Variants in ATP8B4 observed in about 807,000 individuals in gnomAD.
The protein encoded by ATP8B4 is probable phospholipid-transporting ATPase IM.
A neutral mutation model predicts 145.6 loss-of-function variants in ATP8B4; 133 were observed. That is an observed-to-expected ratio of 0.91 (90% CI 0.79 to 1.05). The LOEUF is 1.05. Ranked by LOEUF, ATP8B4 falls within the 50% of genes least tolerant of loss-of-function variation. The pLI is 0.00. For synonymous variants in ATP8B4, 507 were observed against 492.9 expected (o/e 1.03, Z -0.38); for missense variants, 1,458 against 1,425.2 (o/e 1.02, Z -0.37).
intron 1 of ATP8B4, among the ~76,000 whole-genome samples, chr15:50,160,606 A>G (rs1460693702): frequency 6.7e-6 from 1 of 150,072 alleles, no homozygotes; most frequent in East Asian, 2.0e-4. Context: ...AAATTTTTCA[A>G]TTTCCTTCTT....
At chr15:50,064,111 A>T (rs2153626666) in intron 3 of ATP8B4, among the ~76,000 whole-genome samples, 1 of 152,276 alleles carries the variant, frequency 6.6e-6, no homozygotes, top group African/African-American at 2.4e-5. Context: ...ATAATTCCAC[A>T]CTGAGATTCC....
chr15:50,104,262 C>A (rs2056543373), intron 2 of ATP8B4, among the ~76,000 whole-genome samples: 2 of 152,052 alleles, frequency 1.3e-5, no homozygotes, highest in Admixed American at 1.3e-4. Context: ...AGCTTCTGCA[C>A]AGCAAAAGAA....
At chr15:50,008,053 T>A (rs918695613) in intron 7 of ATP8B4, among the ~76,000 whole-genome samples, 10 of 152,216 alleles carry the variant, frequency 6.6e-5, no homozygotes, top group African/African-American at 2.4e-4. Flanking sequence ...GCTTCAGGTC[T>A]GTGGCCCAAA....
At chr15:50,054,050 G>A (rs1269529826) in intron 3 of ATP8B4, among the ~76,000 whole-genome samples, 1 of 152,160 alleles carries the variant, frequency 6.6e-6, no homozygotes, top group Non-Finnish European at 1.5e-5. Flanking sequence ...TAAATTGAAA[G>A]AATTATGCAA....
rs139906676 is a variant in ATP8B4, at chr15:50,001,910, T to C, written c.506+243A>G. Among the ~76,000 whole-genome samples, 99 of 152,322 alleles carry C rather than the reference T, an allele frequency of 6.5e-4. 1 individual carries two copies. The highest frequency in any genetic ancestry group is 2.3e-3 in the African/African-American group (94 of 41,582). ...TTTTTTTAAAAAATCTAAGGAATCTTACTGAAGATTCTCTGTGTAAAGTTA... is the reference window on the plus strand; with the variant it reads ...TTTTTTTAAAAAATCTAAGGAATCTCACTGAAGATTCTCTGTGTAAAGTTA... On this transcript the variant is annotated intron_variant, in intron 8 of 27. Transcript: ENST00000284509.
chr15:50,079,158 T>G (rs1176152628), intron 2 of ATP8B4, among the ~76,000 whole-genome samples: 1 of 152,144 alleles, frequency 6.6e-6, no homozygotes, highest in Non-Finnish European at 1.5e-5. Flanking sequence ...TATTATATAC[T>G]CCATGTCTGT....
At chr15:49,934,265 G>A in intron 14 of ATP8B4, 83 bp from the exon 15 acceptor site, 1 of 1,426,146 alleles carries the variant, frequency 7.0e-7, no homozygotes, top group South Asian at 1.4e-5. Flanking sequence ...GTTCCCCCAA[G>A]TATTTTTAGT....
intron 7 of ATP8B4, among the ~76,000 whole-genome samples, chr15:50,007,078 C>A (rs1053945768): frequency 6.6e-6 from 1 of 151,292 alleles, no homozygotes; most frequent in Admixed American, 6.6e-5. Flanking sequence ...TTAAAATGTA[C>A]ATACAAATGC....
At chr15:49,900,771 CAGTG>C (rs1346383919) in intron 21 of ATP8B4, among the ~76,000 whole-genome samples, 3 of 152,240 alleles carry the variant, frequency 2.0e-5, no homozygotes, top group Non-Finnish European at 4.4e-5. Context: ...AATTAAGTAA[CAGTG>C]AGCCGTAACA....
intron 1 of ATP8B4, among the ~76,000 whole-genome samples, chr15:50,156,077 T>A (rs11635796): frequency 0.22 from 5,005 of 22,694 alleles, 217 homozygotes; most frequent in Admixed American, 0.36. Flanking sequence ...TAAATAAATA[T>A]ATATATATAT....
At chr15:49,980,400 G>A (rs1004158900) in intron 11 of ATP8B4, among the ~76,000 whole-genome samples, 4 of 152,152 alleles carry the variant, frequency 2.6e-5, no homozygotes, top group South Asian at 4.1e-4. Flanking sequence ...TAAAGTGGCT[G>A]TCTTCGAACT....
chr15:49,860,135 C>G lies in ATP8B4; in HGVS notation c.*59G>C. On this transcript the variant is annotated 3_prime_UTR_variant, in exon 28 of 28. Transcript: ENST00000284509. ...CTCAAATCTCAAACTCTGGAGCCAG[C>G]AGAATTTCAGCTCCACCTGAAGTGA... The G allele has an allele frequency of 1.3e-6, 2 of 1,530,148 alleles. No individual in the cohort carries two copies. Among genetic ancestry groups the G allele is most frequent in the Non-Finnish European group, 1.8e-6 (2 of 1,136,512 alleles). The allele number at this position is 1,530,148 out of a possible 1,614,324, so 94.8% of individuals were successfully genotyped here. A position where few individuals can be genotyped will look rare whatever the true frequency, so the allele number is the denominator to read the frequency against.
At chr15:50,129,938 C>A in intron 1 of ATP8B4, among the ~76,000 whole-genome samples, 1 of 111,558 alleles carries the variant, frequency 9.0e-6, no homozygotes, top group East Asian at 2.3e-4. Flanking sequence ...CAGAGCAAGA[C>A]TCTGACTCAA....
intron 21 of ATP8B4, 123 bp from the exon 22 acceptor site, chr15:49,898,374 CA>C: frequency 9.6e-7 from 1 of 1,039,012 alleles, no homozygotes; most frequent in Non-Finnish European, 1.4e-6. Flanking sequence ...TCATTCACTC[CA>C]AAAAGTCATT....
chr15:50,008,806 A>G (rs763283651), intron 7 of ATP8B4, among the ~76,000 whole-genome samples: 7 of 152,178 alleles, frequency 4.6e-5, no homozygotes, highest in African/African-American at 4.8e-5. Context: ...TTAGTAAACA[A>G]GTGAGTCCAG....
intron 14 of ATP8B4, 76 bp from the exon 15 acceptor site, chr15:49,934,258 C>A: frequency 1.4e-6 from 2 of 1,465,712 alleles, no homozygotes; most frequent in South Asian, 1.3e-5. Flanking sequence ...AAAAATAGTT[C>A]CCCCAAGTAT....
intron 23 of ATP8B4, chr15:49,895,645 G>A (rs1055058976): frequency 1.3e-5 from 2 of 152,164 alleles, no homozygotes; most frequent in East Asian, 3.8e-4. Context: ...GGCAATTATT[G>A]TTCTCCCTTG....
At chr15:50,023,779 C>CAAAAAAAAAAAAAAAAAAAAAAAA (rs60030651) in intron 6 of ATP8B4, among the ~76,000 whole-genome samples, 11 of 75,054 alleles carry the variant, frequency 1.5e-4, no homozygotes, top group East Asian at 3.9e-4. Flanking sequence ...AGACCAAAGG[C>CAAAAAAAAAAAAAAAAAAAAAAAA]AAAAAAAAAA....
intron 14 of ATP8B4, among the ~76,000 whole-genome samples, chr15:49,958,775 GAGAT>G (rs1247096665): frequency 2.6e-5 from 4 of 151,832 alleles, no homozygotes; most frequent in African/African-American, 9.7e-5. Context: ...CACTCCAAAA[GAGAT>G]AGAAATTCTA....
Sources: gnomAD v4.1 joint callset for allele counts (sites outside exome capture counted in the v4.1 genomes callset) on GRCh38, gnomAD v4.1.1 for gene constraint, MANE v1.5 for transcripts, NCBI Gene and HGNC (gene_info 2026-07-23, HGNC 2026-07-21) for gene names.